The following ATL2 variants were observed in gnomAD, a reference collection of about 807,000 sequenced individuals.
ATL2 encodes atlastin GTPase 2.
Under a neutral mutation model 73.9 loss-of-function variants are expected in ATL2, and 31 were observed. The observed-to-expected ratio is 0.42, with a 90% CI of 0.32 to 0.57. The LOEUF (loss-of-function observed/expected upper bound fraction) is 0.57. Among genes scored for constraint, ATL2 ranks in the 20% least tolerant of loss-of-function variants. The pLI is 0.14. For missense variants in ATL2, 738 were observed against 702.6 expected, an observed-to-expected ratio of 1.05 and a Z score of -0.57; for synonymous variants, 291 against 237.5, an observed-to-expected ratio of 1.23 and a Z score of -2.07.
intron 1 of ATL2, among the ~76,000 whole-genome samples, chr2:38,361,474 T>C (rs1049655777): frequency 1.3e-5 from 2 of 152,046 alleles, no homozygotes; most frequent in African/African-American, 2.4e-5. Context: ...ACAAATGTTA[T>C]AAGCTATTTA....
chr2:38,304,279 C>T (rs1667338729), intron 9 of ATL2, among the ~76,000 whole-genome samples: 1 of 152,132 alleles, frequency 6.6e-6, no homozygotes, highest in Non-Finnish European at 1.5e-5. Flanking sequence ...AAACATTTTT[C>T]CTAGAATAGT....
intron 2 of ATL2, among the ~76,000 whole-genome samples, chr2:38,339,348 A>G (rs1048384893): frequency 6.6e-6 from 1 of 152,204 alleles, no homozygotes; most frequent in African/African-American, 2.4e-5. Flanking sequence ...GAAGAGCACC[A>G]ATGGAAAAAC....
chr2:38,303,950 G>A (rs1287823105), intron 9 of ATL2, among the ~76,000 whole-genome samples: 1 of 152,102 alleles, frequency 6.6e-6, no homozygotes, highest in African/African-American at 2.4e-5. Flanking sequence ...GGACAACGTA[G>A]AGAAATGACG....
At position 38,310,234 on chromosome 2, in the gene ATL2, C is replaced by T. The variant is rs778454626; in HGVS notation, c.943+75G>A. The T allele has an allele frequency of 5.5e-5, 81 of 1,484,990 alleles. No individual in the cohort carries two copies. In the East Asian group the frequency reaches 5.9e-4, roughly 11 times the overall value. 92.0% of individuals were successfully genotyped at this position (1,484,990 alleles called of 1,614,324 possible). A position where few individuals can be genotyped will look rare whatever the true frequency, so the allele number is the denominator to read the frequency against. On this transcript the variant is annotated intron_variant, in intron 8 of 12. Coordinates refer to ENST00000378954, the MANE Select transcript of ATL2 (RefSeq NM_001135673.4). ...CCAGTATAAGACAGGACATTTAAGG[C>T]GTCATGTATTTTCTTAAAAAACTTT...
chr2:38,327,797 G>A (rs529765890), intron 2 of ATL2, among the ~76,000 whole-genome samples: 21 of 152,250 alleles, frequency 1.4e-4, no homozygotes, highest in East Asian at 1.4e-3. Context: ...TTAGCGGGGC[G>A]TGGTGGCGGG....
chr2:38,340,034 A>G (rs988251815), intron 2 of ATL2, among the ~76,000 whole-genome samples: 1 of 152,146 alleles, frequency 6.6e-6, no homozygotes, highest in Non-Finnish European at 1.5e-5. Context: ...ACGCAAAAAC[A>G]TGAGTACATC....
intron 1 of ATL2, among the ~76,000 whole-genome samples, chr2:38,362,610 G>A (rs939085948): frequency 3.0e-4 from 46 of 152,172 alleles, no homozygotes; most frequent in African/African-American, 9.2e-4. Flanking sequence ...CACAAGGGGT[G>A]AAAGGTCTAG....
At position 38,296,043 on chromosome 2, in the gene ATL2, G is replaced by T; in HGVS notation, c.1703C>A (p.Ala568Glu). 6.4e-7 allele frequency: 1 copy of T among 1,551,780 alleles called. No homozygotes were observed. Residue 568 changes from alanine to glutamate, a missense_variant, in exon 13 of 13, where the codon GCA (alanine) becomes GAA (glutamate). Coordinates refer to ENST00000378954, the MANE Select transcript of ATL2 (RefSeq NM_001135673.4). ...IRQSVTNSIK[A>E]GLTDQVSHHA... ...ATGAGACACCTGGTCAGTCAGGCCT[G>T]CTTTGATAGAGTTTGTTACAGACTG...
chr2:38,366,025 G>A (rs139148962), intron 1 of ATL2, among the ~76,000 whole-genome samples: 3 of 150,864 alleles, frequency 2.0e-5, no homozygotes, highest in Non-Finnish European at 4.4e-5. Context: ...AAGAGCAGCC[G>A]TGAAAAGAAG....
chr2:38,313,027 G>T, intron 7 of ATL2, 124 bp downstream of exon 7: 1 of 612,870 alleles, frequency 1.6e-6, no homozygotes, highest in Non-Finnish European at 2.8e-6. Context: ...AGTCACTTGG[G>T]CTAACCTGGA....
chr2:38,295,276 G>T lies in ATL2; in HGVS notation c.*718C>A, dbSNP rs933178743. 2.0e-5 allele frequency: 3 copies of T among 152,174 alleles called. No homozygotes were observed. The highest frequency in any genetic ancestry group is 6.5e-5 in the Admixed American group (1 of 15,284). 9.4% of individuals were successfully genotyped at this position (152,174 alleles called of 1,614,324 possible). ...GTACAGACACTCTTAACTCATAGCTGTAGGCAACATTTTTGGATGGAATTT... is the reference window on the plus strand; with the variant it reads ...GTACAGACACTCTTAACTCATAGCTTTAGGCAACATTTTTGGATGGAATTT... On this transcript the variant is annotated 3_prime_UTR_variant, in exon 13 of 13. Transcript: ENST00000378954.
upstream of ATL2, among the ~76,000 whole-genome samples, chr2:38,377,479 C>G (rs917196701): frequency 1.3e-5 from 2 of 151,502 alleles, no homozygotes; most frequent in African/African-American, 4.9e-5. Flanking sequence ...CTCGCCCTGC[C>G]CGCCTGCAGA....
intron 1 of ATL2, among the ~76,000 whole-genome samples, chr2:38,347,290 AG>A (rs1179242505): frequency 6.6e-6 from 1 of 152,286 alleles, no homozygotes; most frequent in East Asian, 1.9e-4. Flanking sequence ...TCATTCCCAA[AG>A]CCTGGACAAT....
intron 1 of ATL2, among the ~76,000 whole-genome samples, chr2:38,344,518 G>A (rs192805265): frequency 1.6e-4 from 25 of 152,274 alleles, no homozygotes; most frequent in Admixed American, 6.5e-4. Flanking sequence ...GCTGAGACAG[G>A]AGAATCGCTT....
chr2:38,297,211 T>C (rs1481688802), intron 12 of ATL2, among the ~76,000 whole-genome samples: 1 of 152,112 alleles, frequency 6.6e-6, no homozygotes, highest in African/African-American at 2.4e-5. Context: ...CCAATCAACT[T>C]TCTTCAAAAA....
At chr2:38,359,849 C>T (rs184470560) in intron 1 of ATL2, among the ~76,000 whole-genome samples, 2 of 152,094 alleles carry the variant, frequency 1.3e-5, no homozygotes, top group Admixed American at 1.3e-4. Flanking sequence ...TAAAGTTGGC[C>T]GGGCGCGGTG....
chr2:38,366,268 A>AT (rs1671327691), intron 1 of ATL2, among the ~76,000 whole-genome samples: 1 of 152,196 alleles, frequency 6.6e-6, no homozygotes, highest in African/African-American at 2.4e-5. Flanking sequence ...TTTAAGTTGC[A>AT]TTTTGAGCTC....
chr2:38,377,042 G>T, intron 1 of ATL2, 101 bp downstream of exon 1: 1 of 1,101,524 alleles, frequency 9.1e-7, no homozygotes, highest in Non-Finnish European at 1.3e-6. Flanking sequence ...TGAACCAGCC[G>T]CGGACTCCGA....
At chr2:38,313,638 T>A (rs1404102584) in intron 6 of ATL2, among the ~76,000 whole-genome samples, 1 of 152,218 alleles carries the variant, frequency 6.6e-6, no homozygotes, top group South Asian at 2.1e-4. Context: ...AAGGACATTT[T>A]CACTCACAGA....
Sources: allele counts gnomAD v4.1 joint callset (sites outside exome capture counted in the v4.1 genomes callset), GRCh38; gene constraint gnomAD v4.1.1; transcripts MANE v1.5; gene names NCBI Gene and HGNC (gene_info 2026-07-23, HGNC 2026-07-21).